Variants in CAST observed in about 807,000 individuals in gnomAD.
The protein encoded by CAST is calpastatin, also known as MIR583 host.
Under a neutral mutation model 119.6 loss-of-function variants are expected in CAST, and 76 were observed. The observed-to-expected ratio is 0.64, with a 90% CI of 0.53 to 0.77. The LOEUF (loss-of-function observed/expected upper bound fraction) is 0.77. CAST is among the 30% of genes least tolerant of loss of function. The pLI, the probability that CAST is intolerant of heterozygous loss-of-function variation, is 0.00. For missense variants in CAST, 953 were observed against 946.5 expected, an observed-to-expected ratio of 1.01 and a Z score of -0.09; for synonymous variants, 319 against 331.6, an observed-to-expected ratio of 0.96 and a Z score of 0.41.
At chr5:96,127,909 T>C in the CAST span, among the ~76,000 whole-genome samples, 1 of 152,110 alleles carries the variant, frequency 6.6e-6, no homozygotes, top group Non-Finnish European at 1.5e-5. Context: ...GACTGAACTA[T>C]ATGGATGTAG....
At chr5:96,750,401 G>GA (rs779357624) in intron 19 of CAST, among the ~76,000 whole-genome samples, 186 bp from the exon 20 acceptor site, 19 of 152,186 alleles carry the variant, frequency 1.2e-4, no homozygotes, top group Non-Finnish European at 2.2e-4. Context: ...AAACCAAGTT[G>GA]AAAAAAATGG....
At chr5:96,580,335 T>C (rs1746748123) in intron 1 of CAST, among the ~76,000 whole-genome samples, 1 of 152,230 alleles carries the variant, frequency 6.6e-6, no homozygotes, top group Non-Finnish European at 1.5e-5. Context: ...TGACAAAATA[T>C]TGCATTTAGG....
At chr5:96,610,178 T>C (rs1747332890) in intron 1 of CAST, among the ~76,000 whole-genome samples, 1 of 152,244 alleles carries the variant, frequency 6.6e-6, no homozygotes, top group Admixed American at 6.5e-5. Flanking sequence ...CCTGCCACCA[T>C]GTAAGATGTG....
At chr5:96,077,430 C>T in the CAST span, among the ~76,000 whole-genome samples, 1 of 152,048 alleles carries the variant, frequency 6.6e-6, no homozygotes, top group African/African-American at 2.4e-5. Flanking sequence ...TAGGCAGATA[C>T]ACATTTTTCT....
intron 1 of CAST, among the ~76,000 whole-genome samples, chr5:96,560,775 A>C (rs967384307): frequency 6.6e-6 from 1 of 152,298 alleles, no homozygotes; most frequent in Non-Finnish European, 1.5e-5. Context: ...TAGTTCAACC[A>C]TTGTGGAAGT....
chr5:96,251,548 G>A, the CAST span, among the ~76,000 whole-genome samples: 1 of 152,120 alleles, frequency 6.6e-6, no homozygotes, highest in Non-Finnish European at 1.5e-5. Context: ...GAAAATGCAT[G>A]CTTGATCTAC....
At chr5:96,480,687 G>C in the CAST span, among the ~76,000 whole-genome samples, 1 of 152,098 alleles carries the variant, frequency 6.6e-6, no homozygotes, top group African/African-American at 2.4e-5. Context: ...AAGAAAGAGT[G>C]GTTTAAAAGG....
chr5:96,310,480 T>G, the CAST span, among the ~76,000 whole-genome samples: 3 of 152,160 alleles, frequency 2.0e-5, no homozygotes, highest in Admixed American at 6.5e-5. Context: ...CTCTAATTTT[T>G]TGTAAAAGTT....
the CAST span, among the ~76,000 whole-genome samples, chr5:96,008,139 G>A: frequency 6.6e-6 from 1 of 152,176 alleles, no homozygotes; most frequent in Admixed American, 6.6e-5. Context: ...AAGTCACCCA[G>A]TCTATGGTAT....
the CAST span, among the ~76,000 whole-genome samples, chr5:96,014,467 A>G: frequency 6.6e-6 from 1 of 152,196 alleles, no homozygotes; most frequent in South Asian, 2.1e-4. Flanking sequence ...GTCACTTATT[A>G]TCATTATAAA....
At chr5:96,238,357 T>TCTTCTTCTTCTTCTTCTC in the CAST span, among the ~76,000 whole-genome samples, 93 of 79,666 alleles carry the variant, frequency 1.2e-3, no homozygotes, top group Admixed American at 1.9e-3. Flanking sequence ...ATCTTCATCT[T>TCTTCTTCTTCTTCTTCTC]CTTCTTCTCC....
At chr5:96,608,302 A>G (rs1747297971) in intron 1 of CAST, among the ~76,000 whole-genome samples, 1 of 152,186 alleles carries the variant, frequency 6.6e-6, no homozygotes, top group Non-Finnish European at 1.5e-5. Context: ...CACCCCTGCT[A>G]CTAACTAGCT....
chr5:96,713,780 G>C (rs191371023), intron 3 of CAST, among the ~76,000 whole-genome samples: 1 of 152,118 alleles, frequency 6.6e-6, no homozygotes, highest in African/African-American at 2.4e-5. Context: ...TTTGAGACCA[G>C]CCTGACCAAT....
the CAST span, among the ~76,000 whole-genome samples, chr5:96,419,414 CCTCTCTCTCTCT>C: frequency 7.7e-6 from 1 of 129,126 alleles, no homozygotes; most frequent in Admixed American, 7.7e-5. Flanking sequence ...TCACTTAATA[CCTCTCTCTCTCT>C]CTCTCTCTCC....
chr5:95,965,925 C>CATG, the CAST span, among the ~76,000 whole-genome samples: 1 of 152,168 alleles, frequency 6.6e-6, no homozygotes, highest in East Asian at 1.9e-4. Flanking sequence ...TGTTACATTG[C>CATG]ATTATTATTA....
At chr5:96,083,865 T>G in the CAST span, among the ~76,000 whole-genome samples, 1 of 152,188 alleles carries the variant, frequency 6.6e-6, no homozygotes, top group South Asian at 2.1e-4. Context: ...GTGTGGTGGT[T>G]CGGGGCACAG....
rs770241825 is a variant in CAST at position 96,742,672 on chromosome 5, A to G, written c.1116A>G (p.Gln372=). 4 of 1,613,044 alleles carry G rather than the reference A, an allele frequency of 2.5e-6. No homozygotes were observed. The African/African-American group carries it at 4.0e-5, about 16-fold the overall frequency. ...TTTAACAGGATACAATGAGTGATCA[A>G]GCACTCGAGGCTCTGTCGGCTTCAC... ...RKVEKDTMSD[Q]ALEALSASLG... Residue 372 remains glutamine (Q), a synonymous_variant, in exon 16 of 32, where the codon CAA becomes CAG. Transcript: ENST00000675179.
chr5:96,169,424 G>A, the CAST span, among the ~76,000 whole-genome samples: 19 of 152,272 alleles, frequency 1.2e-4, no homozygotes, highest in Middle Eastern at 3.4e-3. Flanking sequence ...GGATAGGAGA[G>A]TATATGGGTT....
At chr5:96,256,379 A>G in the CAST span, among the ~76,000 whole-genome samples, 1 of 148,752 alleles carries the variant, frequency 6.7e-6, no homozygotes, top group Admixed American at 6.7e-5. Flanking sequence ...TAATATATAT[A>G]TATACTATAT....
Sources: gnomAD v4.1 joint callset for allele counts (sites outside exome capture counted in the v4.1 genomes callset) on GRCh38, gnomAD v4.1.1 for gene constraint, MANE v1.5 for transcripts, NCBI Gene and HGNC (gene_info 2026-07-23, HGNC 2026-07-21) for gene names.